The following ADAM12 variants were observed in gnomAD, a reference collection of about 807,000 sequenced individuals.
The protein encoded by ADAM12 is ADAM metallopeptidase domain 12.
A neutral mutation model predicts 106.4 loss-of-function variants in ADAM12; 70 were observed. The ratio of observed to expected loss-of-function variants is 0.66; its 90% CI spans 0.54 to 0.80. The LOEUF (loss-of-function observed/expected upper bound fraction) is 0.80. Ranked by LOEUF, ADAM12 falls within the 30% of genes least tolerant of loss-of-function variation. The pLI is 0.00. For synonymous variants in ADAM12, 420 were observed against 433.5 expected (o/e 0.97, Z 0.39); for missense variants, 1,010 against 1,171.9 (o/e 0.86, Z 2.02).
At chr10:126,202,571 A>G (rs1957722745) in intron 3 of ADAM12, among the ~76,000 whole-genome samples, 1 of 152,210 alleles carries the variant, frequency 6.6e-6, no homozygotes, top group Non-Finnish European at 1.5e-5. Flanking sequence ...TAATTGCTGC[A>G]GTGGATTGAA....
At chr10:126,071,739 C>A in intron 11 of ADAM12, 85 bp from the exon 12 acceptor site, 1 of 1,445,272 alleles carries the variant, frequency 6.9e-7, no homozygotes. Flanking sequence ...AAGGCACCCA[C>A]TGGCCACATC....
At chr10:126,022,849 G>T (rs748532174) in intron 21 of ADAM12, among the ~76,000 whole-genome samples, 18 of 152,110 alleles carry the variant, frequency 1.2e-4, no homozygotes, top group Non-Finnish European at 2.2e-4. Flanking sequence ...AAAAATCCAG[G>T]TATGCTATTA....
rs2133484631 is a variant in ADAM12, at chr10:126,066,778, G to A, written c.1352C>T (p.Thr451Ile). 1 of 1,614,214 alleles carries A rather than the reference G, an allele frequency of 6.2e-7. No homozygotes were observed. The highest frequency in any genetic ancestry group is 1.1e-5 in the South Asian group (1 of 91,086). The part of the protein sequence containing the change: ...EECMNRCCNA[T>I]TCTLKPDAVC... ...AGCGTCCGGCTTCAGGGTACAGGTGGTGGCATTGCAGCAGCGATTCATACA... is the reference window on the plus strand; with the variant it reads ...AGCGTCCGGCTTCAGGGTACAGGTGATGGCATTGCAGCAGCGATTCATACA... The change falls in exon 13 of 23, where the codon ACC (threonine) becomes ATC (isoleucine). Residue 451 changes from threonine (T) to isoleucine (I), a missense_variant. By Grantham distance (89) the Thr-to-Ile change is moderately conservative. Transcript: ENST00000448723. The surrounding 1 kb of genome is among the most constrained non-coding windows in gnomAD (Gnocchi z 5.1).
intron 4 of ADAM12, among the ~76,000 whole-genome samples, chr10:126,147,274 C>T (rs966104680): frequency 3.9e-5 from 6 of 152,152 alleles, no homozygotes; most frequent in African/African-American, 1.4e-4. Flanking sequence ...TGCACCTGGC[C>T]TCTGCTGCTA....
chr10:126,256,063 C>A (rs1442024348), intron 3 of ADAM12, among the ~76,000 whole-genome samples: 1 of 152,234 alleles, frequency 6.6e-6, no homozygotes, highest in East Asian at 1.9e-4. Context: ...GGTGCTCAAC[C>A]CTGTTGCTTC....
chr10:126,259,669 T>C (rs6597754), intron 3 of ADAM12, among the ~76,000 whole-genome samples: 117,292 of 152,162 alleles, frequency 0.77, 45,913 homozygotes, highest in East Asian at 0.85. Context: ...TCATCATCCA[T>C]GCATGGGTTA....
intron 2 of ADAM12, among the ~76,000 whole-genome samples, chr10:126,292,704 C>T (rs926230311): frequency 1.3e-5 from 2 of 152,144 alleles, no homozygotes; most frequent in East Asian, 1.9e-4. Context: ...CTCAACTCTG[C>T]CACTGCAGTG....
chr10:126,367,371 T>C (rs1349080075), intron 1 of ADAM12, among the ~76,000 whole-genome samples: 1 of 151,918 alleles, frequency 6.6e-6, no homozygotes, highest in East Asian at 1.9e-4. Context: ...AAACTGACGA[T>C]AATGAAAAAA....
chr10:126,018,840 C>T (rs895713650), intron 22 of ADAM12, among the ~76,000 whole-genome samples: 1 of 152,166 alleles, frequency 6.6e-6, no homozygotes, highest in African/African-American at 2.4e-5. Flanking sequence ...GTCCTGCTGC[C>T]AGGCAGCTGC....
At chr10:126,134,646 G>A (rs899677423) in intron 5 of ADAM12, among the ~76,000 whole-genome samples, 23 of 152,222 alleles carry the variant, frequency 1.5e-4, no homozygotes, top group Admixed American at 9.8e-4. Flanking sequence ...GTAGAAGTGA[G>A]GGCAGCAAAG....
chr10:126,169,167 C>A (rs1590549195), intron 3 of ADAM12, among the ~76,000 whole-genome samples: 3 of 152,182 alleles, frequency 2.0e-5, no homozygotes, highest in Admixed American at 2.0e-4. Context: ...TTTCCCAAGT[C>A]CACCACCCTT....
At chr10:126,197,091 C>T (rs1383321233) in intron 3 of ADAM12, among the ~76,000 whole-genome samples, 1 of 152,084 alleles carries the variant, frequency 6.6e-6, no homozygotes, top group Admixed American at 6.6e-5. Context: ...GCCGTGCAAT[C>T]CAGACCTGAG....
At chr10:126,098,790 A>G (rs1955605001) in intron 9 of ADAM12, among the ~76,000 whole-genome samples, 1 of 152,212 alleles carries the variant, frequency 6.6e-6, no homozygotes, top group South Asian at 2.1e-4. Context: ...GACTGTAGGA[A>G]GCTGCTCCAT....
intron 3 of ADAM12, among the ~76,000 whole-genome samples, chr10:126,246,883 G>T (rs1296887505): frequency 6.6e-6 from 1 of 152,164 alleles, no homozygotes; most frequent in Non-Finnish European, 1.5e-5. Flanking sequence ...TCTGGGCAGG[G>T]CAATCAGGCA....
chr10:126,354,967 T>C (rs10751545), intron 1 of ADAM12, among the ~76,000 whole-genome samples: 104,949 of 151,994 alleles, frequency 0.69, 36,509 homozygotes, highest in African/African-American at 0.75. Flanking sequence ...TCACAGAAAA[T>C]CTGACCCACA....
intron 11 of ADAM12, among the ~76,000 whole-genome samples, chr10:126,076,278 G>A (rs1042560826): frequency 6.6e-6 from 1 of 152,236 alleles, no homozygotes. Flanking sequence ...TGATGGCTGT[G>A]TAGTATTCCA....
intron 3 of ADAM12, among the ~76,000 whole-genome samples, chr10:126,200,820 C>T (rs1401323998): frequency 2.1e-5 from 3 of 145,682 alleles, no homozygotes; most frequent in Non-Finnish European, 4.4e-5. Context: ...TTGAGATGGA[C>T]GTTGGAGAGT....
intron 3 of ADAM12, among the ~76,000 whole-genome samples, chr10:126,195,110 G>T (rs1957572813): frequency 1.3e-5 from 2 of 152,084 alleles, no homozygotes; most frequent in South Asian, 2.1e-4. Flanking sequence ...AGGGCTTGGG[G>T]GTGGAGAGAT....
Position 126,019,683 on chromosome 10 carries a change from T to G in ADAM12, c.2660+12A>C. On this transcript the variant is annotated intron_variant, in intron 22 of 22. Transcript: ENST00000448723. ...GAGAGAGAAAGAGATGGGCATGGCA[T>G]GTCACACAAACCTGAGGGGTGCCAG... is the stretch of plus-strand genomic sequence containing the variant. The G allele has an allele frequency of 6.2e-7, 1 of 1,611,616 alleles. No individual in the cohort carries two copies. Among genetic ancestry groups the G allele is most frequent in the African/African-American group, 1.3e-5 (1 of 74,978 alleles).
Sources: gnomAD v4.1 joint callset for allele counts (sites outside exome capture counted in the v4.1 genomes callset) on GRCh38, gnomAD v4.1.1 for gene constraint, Gnocchi (gnomAD v3.1) non-coding constraint, MANE v1.5 for transcripts, NCBI Gene and HGNC (gene_info 2026-07-23, HGNC 2026-07-21) for gene names.